EPB41L4A: variants seen among roughly 807,000 people sequenced by gnomAD.
EPB41L4A encodes erythrocyte membrane protein band 4.1 like 4A, also known as band 4.1-like protein 4A.
A neutral mutation model predicts 108.6 loss-of-function variants in EPB41L4A; 100 were observed. The observed-to-expected ratio is 0.92, with a 90% CI of 0.78 to 1.09. The LOEUF (loss-of-function observed/expected upper bound fraction) is 1.09. Ranked by LOEUF, EPB41L4A falls within the 50% of genes least tolerant of loss-of-function variation. EPB41L4A has a pLI of 0.00. For synonymous variants in EPB41L4A, 319 were observed against 289.0 expected (o/e 1.10, Z -1.05); for missense variants, 1,030 against 842.7 (o/e 1.22, Z -2.75).
chr5:112,230,394 A>T (rs751318616), intron 12 of EPB41L4A, among the ~76,000 whole-genome samples: 5 of 93,860 alleles, frequency 5.3e-5, no homozygotes, highest in Admixed American at 2.0e-4. Context: ...AACATCTATT[A>T]TTTTTTTTAT....
intron 1 of EPB41L4A, among the ~76,000 whole-genome samples, chr5:112,373,294 T>C (rs1336601093): frequency 6.6e-6 from 1 of 152,192 alleles, no homozygotes; most frequent in Non-Finnish European, 1.5e-5. Context: ...GTTGCTACAA[T>C]GTTCCCTTCA....
intron 1 of EPB41L4A, among the ~76,000 whole-genome samples, chr5:112,345,433 T>C (rs1468534962): frequency 6.6e-6 from 1 of 152,176 alleles, no homozygotes; most frequent in East Asian, 1.9e-4. Flanking sequence ...ATGTTAATTT[T>C]TTAAAGTAGG....
chr5:112,155,428 T>C (rs1020492487), intron 12 of EPB41L4A, among the ~76,000 whole-genome samples: 5 of 151,846 alleles, frequency 3.3e-5, no homozygotes, highest in Non-Finnish European at 7.4e-5. Flanking sequence ...ATTAGTAATA[T>C]GACAGCATCA....
At chr5:112,391,241 G>T (rs1291669703) in intron 1 of EPB41L4A, among the ~76,000 whole-genome samples, 1 of 152,216 alleles carries the variant, frequency 6.6e-6, no homozygotes, top group Non-Finnish European at 1.5e-5. Flanking sequence ...GTTGACAGAA[G>T]TAGGCTTCAG....
At chr5:112,170,829 G>T in intron 19 of EPB41L4A, 116 bp downstream of exon 19, 1 of 858,444 alleles carries the variant, frequency 1.2e-6, no homozygotes, top group Non-Finnish European at 1.9e-6. Context: ...ACACACAGTG[G>T]CAATGGCTTT....
chr5:112,400,785 C>A (rs1169806577), intron 1 of EPB41L4A, among the ~76,000 whole-genome samples: 1 of 152,104 alleles, frequency 6.6e-6, no homozygotes, highest in Non-Finnish European at 1.5e-5. Flanking sequence ...TTTGTATCCC[C>A]CACAACAGCC....
At chr5:112,358,533 A>G (rs950363792) in intron 1 of EPB41L4A, among the ~76,000 whole-genome samples, 1 of 152,238 alleles carries the variant, frequency 6.6e-6, no homozygotes, top group Non-Finnish European at 1.5e-5. Flanking sequence ...CAGGACAGCA[A>G]AAGTTTAACA....
At chr5:112,242,256 C>T (rs1749846027) in intron 9 of EPB41L4A, among the ~76,000 whole-genome samples, 1 of 152,332 alleles carries the variant, frequency 6.6e-6, no homozygotes, top group South Asian at 2.1e-4. Flanking sequence ...TCAAACCCTA[C>T]CACTACTTTA....
At chr5:112,269,411 G>C (rs551799428) in intron 4 of EPB41L4A, among the ~76,000 whole-genome samples, 15 of 152,152 alleles carry the variant, frequency 9.9e-5, no homozygotes, top group African/African-American at 3.6e-4. Flanking sequence ...TAGCGTCTCA[G>C]GGCCTATTTT....
Position 112,240,757 on chromosome 5 carries a change from G to A in EPB41L4A, c.849C>T (p.His283=), listed in dbSNP as rs192639011. Residue 283 remains histidine, a synonymous_variant, in exon 10 of 23, where the codon CAC becomes CAT. Coordinates refer to ENST00000261486, the MANE Select transcript of EPB41L4A (RefSeq NM_022140.5). ...GATGTTCCACACTGCACTTCCAGAG[G>A]TGCTTGCAAGCAGTTTTACTCCGAG... is the stretch of plus-strand genomic sequence containing the variant. ...FEARSKTACK[H]LWKCSVEHHT... The A allele has an allele frequency of 3.7e-5, 58 of 1,585,154 alleles. No homozygotes were observed. The East Asian group carries it at 1.0e-3, about 28-fold the overall frequency.
intron 12 of EPB41L4A, among the ~76,000 whole-genome samples, chr5:112,224,131 T>C (rs2150342937): frequency 6.6e-6 from 1 of 152,220 alleles, no homozygotes; most frequent in South Asian, 2.1e-4. Flanking sequence ...TTTGTATTTT[T>C]AGTAGAGACA....
At position 112,304,160 on chromosome 5, in the gene EPB41L4A, A is replaced by C. The variant is rs111575683; in HGVS notation, c.204+3226T>G. Among the ~76,000 whole-genome samples the C allele has an allele frequency of 9.8e-3, 1,494 of 152,258 alleles. 33 individuals carry two copies. The highest frequency in any genetic ancestry group is 0.054 in the South Asian group (261 of 4,830). ...AAGACAGTGTTTGCATGCTGTCTTC[A>C]TCTGTGTGCTTCACACATTCCCCCT... On this transcript the variant is annotated intron_variant, in intron 2 of 22. Coordinates refer to ENST00000261486, the MANE Select transcript of EPB41L4A (RefSeq NM_022140.5).
chr5:112,194,936 T>C (rs1761887488), intron 16 of EPB41L4A, among the ~76,000 whole-genome samples: 1 of 152,182 alleles, frequency 6.6e-6, no homozygotes, highest in African/African-American at 2.4e-5. Context: ...CCAACAGAAC[T>C]CTGACATGGC....
intron 18 of EPB41L4A, among the ~76,000 whole-genome samples, chr5:112,178,089 G>A (rs1760962332): frequency 2.0e-5 from 3 of 151,138 alleles, no homozygotes; most frequent in Admixed American, 1.3e-4. Context: ...TACAAGAGGT[G>A]GACTTTAAAT....
chr5:112,388,355 C>T (rs985712347), intron 1 of EPB41L4A, among the ~76,000 whole-genome samples: 2 of 152,136 alleles, frequency 1.3e-5, no homozygotes, highest in African/African-American at 4.8e-5. Flanking sequence ...AACAGATCGG[C>T]AGACCTACCC....
exon 14 of EPB41L4A, chr5:112,143,151 A>G (rs1347303040): frequency 1.3e-5 from 2 of 152,240 alleles, no homozygotes; most frequent in African/African-American, 4.8e-5. Context: ...CCCATTTATG[A>G]TCACCTGAGC....
intron 2 of EPB41L4A, among the ~76,000 whole-genome samples, chr5:112,297,266 A>T (rs1418709156): frequency 6.6e-6 from 1 of 152,154 alleles, no homozygotes; most frequent in African/African-American, 2.4e-5. Context: ...GCAGTGCAGA[A>T]GTGTTCCCTT....
At chr5:112,276,340 C>A (rs977938960) in intron 3 of EPB41L4A, among the ~76,000 whole-genome samples, 2 of 152,122 alleles carry the variant, frequency 1.3e-5, no homozygotes, top group Admixed American at 1.3e-4. Context: ...AATAAACACT[C>A]ATATTGTGCA....
chr5:112,358,836 A>T (rs565483842), intron 1 of EPB41L4A, among the ~76,000 whole-genome samples: 27 of 152,360 alleles, frequency 1.8e-4, no homozygotes, highest in African/African-American at 6.3e-4. Flanking sequence ...ATATTCACAA[A>T]ATGAATTACC....
Sources: allele counts gnomAD v4.1 joint callset (sites outside exome capture counted in the v4.1 genomes callset), GRCh38; gene constraint gnomAD v4.1.1; transcripts MANE v1.5; gene names NCBI Gene and HGNC (gene_info 2026-07-23, HGNC 2026-07-21).